Variants in CNTN5 observed in about 807,000 individuals in gnomAD.
The protein encoded by CNTN5 is contactin 5, also known as contactin-5.
A neutral mutation model predicts 129.1 loss-of-function variants in CNTN5; 77 were observed. The observed-to-expected ratio is 0.60, with a 90% CI of 0.50 to 0.72. CNTN5 has a LOEUF of 0.72. Ranked by LOEUF, CNTN5 falls within the 30% of genes least tolerant of loss-of-function variation. The pLI, the probability that CNTN5 is intolerant of heterozygous loss-of-function variation, is 0.00. For synonymous variants in CNTN5, 509 were observed against 465.6 expected, an observed-to-expected ratio of 1.09 and a Z score of -1.20; for missense variants, 1,478 against 1,328.8, an observed-to-expected ratio of 1.11 and a Z score of -1.75.
intron 1 of CNTN5, among the ~76,000 whole-genome samples, chr11:99,051,908 A>T (rs140088271): frequency 6.1e-4 from 92 of 152,032 alleles, no homozygotes; most frequent in Middle Eastern, 3.4e-3. Context: ...ATATATTATC[A>T]CTAGGAGTGT....
chr11:99,500,000 A>T (rs1315514633), intron 2 of CNTN5, among the ~76,000 whole-genome samples: 1 of 152,220 alleles, frequency 6.6e-6, no homozygotes, highest in Non-Finnish European at 1.5e-5. Context: ...AATGGCAAAA[A>T]AATGGCTGGT....
rs142979279 is a variant in CNTN5, at chr11:99,135,176, C to G, written c.-210+113906C>G. ...CAAGAAGTAAGACAAGGTACATAGTCTCTTCATTCTACAGCAGAAAGACAG... is the reference window on the plus strand; with the variant it reads ...CAAGAAGTAAGACAAGGTACATAGTGTCTTCATTCTACAGCAGAAAGACAG... On this transcript the variant is annotated intron_variant, in intron 1 of 24. Transcript: ENST00000524871. 8.5e-4 allele frequency among the ~76,000 whole-genome samples: 130 copies of G among 152,272 alleles called. 1 individual carries two copies. The highest frequency in any genetic ancestry group is 3.0e-3 in the African/African-American group (126 of 41,548).
chr11:99,769,755 G>T (rs567714158), intron 3 of CNTN5, among the ~76,000 whole-genome samples: 2 of 150,080 alleles, frequency 1.3e-5, no homozygotes, highest in African/African-American at 4.9e-5. Flanking sequence ...CAGAAGTTGC[G>T]CTGAGCTTCA....
chr11:99,688,917 T>G (rs1196372885), intron 3 of CNTN5, among the ~76,000 whole-genome samples: 1 of 152,130 alleles, frequency 6.6e-6, no homozygotes, highest in Non-Finnish European at 1.5e-5. Context: ...TCAATCCATG[T>G]CCCCGCAAAC....
chr11:99,598,230 C>G (rs963080832), intron 3 of CNTN5, among the ~76,000 whole-genome samples: 4 of 125,434 alleles, frequency 3.2e-5, no homozygotes, highest in African/African-American at 1.1e-4. Flanking sequence ...TTCCTTCCTC[C>G]CTTCTTTCCT....
At chr11:99,421,143 T>A (rs1379180201) in intron 2 of CNTN5, among the ~76,000 whole-genome samples, 1 of 151,798 alleles carries the variant, frequency 6.6e-6, no homozygotes, top group Non-Finnish European at 1.5e-5. Context: ...GAGGTTTTTT[T>A]TTTTTTTCCG....
chr11:100,045,139 C>G (rs780200628), intron 9 of CNTN5, among the ~76,000 whole-genome samples: 1 of 151,272 alleles, frequency 6.6e-6, no homozygotes, highest in Non-Finnish European at 1.5e-5. Context: ...TATTCATTCT[C>G]GATTCCTTTC....
chr11:99,115,468 T>C (rs1163368920), intron 1 of CNTN5, among the ~76,000 whole-genome samples: 1 of 152,066 alleles, frequency 6.6e-6, no homozygotes, highest in East Asian at 1.9e-4. Context: ...TTAGAAAAGA[T>C]AAAATACTGG....
At chr11:99,649,852 T>C (rs1002092974) in intron 3 of CNTN5, among the ~76,000 whole-genome samples, 2 of 151,798 alleles carry the variant, frequency 1.3e-5, no homozygotes, top group Admixed American at 1.3e-4. Context: ...TACTTTATGT[T>C]GGTTACTTGA....
chr11:99,106,819 T>G (rs1396596256), intron 1 of CNTN5, among the ~76,000 whole-genome samples: 1 of 152,118 alleles, frequency 6.6e-6, no homozygotes, highest in African/African-American at 2.4e-5. Context: ...TGTAACATGA[T>G]CGTTCCTCTA....
chr11:99,661,529 T>G (rs1952591448), intron 3 of CNTN5, among the ~76,000 whole-genome samples: 1 of 152,218 alleles, frequency 6.6e-6, no homozygotes, highest in South Asian at 2.1e-4. Flanking sequence ...CTTTTAAAGT[T>G]ACTATATGTG....
intron 13 of CNTN5, among the ~76,000 whole-genome samples, chr11:100,117,974 T>C (rs2138148374): frequency 6.6e-6 from 1 of 151,948 alleles, no homozygotes; most frequent in South Asian, 2.1e-4. Context: ...AGCAGATTCC[T>C]GTCGTGAATT....
intron 1 of CNTN5, among the ~76,000 whole-genome samples, chr11:99,266,737 A>G (rs1337874371): frequency 6.6e-6 from 1 of 152,100 alleles, no homozygotes; most frequent in Non-Finnish European, 1.5e-5. Context: ...GCCATTTTTT[A>G]TAAGGGACTT....
chr11:99,349,476 T>A (rs1213069310), intron 2 of CNTN5, among the ~76,000 whole-genome samples: 1 of 152,200 alleles, frequency 6.6e-6, no homozygotes, highest in Non-Finnish European at 1.5e-5. Context: ...GAATTTAATC[T>A]GACTTAGTCC....
Position 99,645,607 on chromosome 11 carries a change from A to G in CNTN5, c.55+89338A>G, listed in dbSNP as rs550235738. ...AATGTGGTAATATACACCATGGAAT[A>G]CTATGCAGCCATAAAAAAGGATGAG... On this transcript the variant is annotated intron_variant, in intron 3 of 24. Transcript: ENST00000524871. Among the ~76,000 whole-genome samples, 15 of 152,294 alleles carry G rather than the reference A, an allele frequency of 9.8e-5. 1 individual carries two copies. The highest frequency in any genetic ancestry group is 8.5e-4 in the Admixed American group (13 of 15,290).
chr11:100,320,675 G>T (rs1222510969), intron 21 of CNTN5, among the ~76,000 whole-genome samples: 2 of 151,898 alleles, frequency 1.3e-5, no homozygotes, highest in Admixed American at 6.6e-5. Context: ...TCTTCTAGTA[G>T]TTTTACAGTT....
chr11:100,084,827 G>A (rs1204820051), intron 13 of CNTN5, among the ~76,000 whole-genome samples: 1 of 151,950 alleles, frequency 6.6e-6, no homozygotes, highest in Non-Finnish European at 1.5e-5. Context: ...GTTGCAAATG[G>A]TAGCTCTACT....
chr11:100,293,302 C>A (rs958424146), intron 18 of CNTN5, among the ~76,000 whole-genome samples: 2 of 151,810 alleles, frequency 1.3e-5, no homozygotes, highest in African/African-American at 4.8e-5. Context: ...AAAATTCTTA[C>A]ATTTCCTGAA....
rs1398701239 is a variant in CNTN5, at chr11:99,972,085, T to A, written c.877+15076T>A. Among the ~76,000 whole-genome samples the A allele has an allele frequency of 4.3e-4, 40 of 92,204 alleles. 1 individual carries two copies. Among genetic ancestry groups the A allele is most frequent in the African/African-American group, 1.6e-3 (37 of 23,662 alleles). 60.5% of individuals were successfully genotyped at this position (92,204 alleles called of 152,430 possible). A position where few individuals can be genotyped will look rare whatever the true frequency, so the allele number is the denominator to read the frequency against. ...TAACACGGTGAAAACTTATCTCTAT[T>A]AAAAAAAAAAAAAAAAAAAAAAAAA... On this transcript the variant is annotated intron_variant, in intron 8 of 24. Coordinates refer to ENST00000524871, the MANE Select transcript of CNTN5 (RefSeq NM_014361.4).
Sources: allele counts gnomAD v4.1 joint callset (sites outside exome capture counted in the v4.1 genomes callset), GRCh38; gene constraint gnomAD v4.1.1; transcripts MANE v1.5; gene names NCBI Gene and HGNC (gene_info 2026-07-23, HGNC 2026-07-21).